The following EMILIN1 variants were observed in gnomAD, a reference collection of about 807,000 sequenced individuals.
EMILIN1 encodes the protein EMILIN-1.
A neutral mutation model predicts 82.4 loss-of-function variants in EMILIN1; 49 were observed. The ratio of observed to expected loss-of-function variants is 0.59; its 90% CI spans 0.47 to 0.75. The LOEUF is 0.75. Among genes scored for constraint, EMILIN1 ranks in the 30% least tolerant of loss-of-function variants. The pLI is 0.00. For missense variants in EMILIN1, 1,313 were observed against 1,366.4 expected (o/e 0.96, Z 0.62); for synonymous variants, 604 against 602.2 (o/e 1.00, Z -0.04).
intron 1 of EMILIN1, 28 bp from the exon 2 acceptor site, chr2:27,080,123 T>A (rs1179134376): frequency 1.2e-6 from 2 of 1,612,820 alleles, no homozygotes; most frequent in East Asian, 4.5e-5. Flanking sequence ...TCTTTGGTCC[T>A]TGGACCCAGA....
Position 27,083,211 on chromosome 2 carries a change from A to G in EMILIN1, c.1640A>G (p.Asp547Gly). ...EVVGRLQDRV[D>G]AQDETAAEFT... ...GTGGGCCGGCTCCAGGATCGTGTGG[A>G]TGCCCAGGATGAGACAGCTGCAGAG... Residue 547 changes from aspartate (D) to glycine (G), a missense_variant, in exon 4 of 8, where the codon GAT becomes GGT. Coordinates refer to ENST00000380320, the MANE Select transcript of EMILIN1 (RefSeq NM_007046.4). 2 of 1,611,858 alleles carry G rather than the reference A, an allele frequency of 1.2e-6. No homozygotes were observed. The highest frequency in any genetic ancestry group is 1.3e-5 in the African/African-American group (1 of 75,004).
At chr2:27,084,854 T>C (rs996566443) in intron 5 of EMILIN1, 137 bp from the exon 6 acceptor site, 2 of 823,606 alleles carry the variant, frequency 2.4e-6, no homozygotes, top group Non-Finnish European at 4.2e-6. Context: ...TACCTATTCC[T>C]GTTTTTCTTG....
Position 27,080,735 on chromosome 2 carries a change from C to A in EMILIN1, c.294C>A (p.Tyr98Ter). Reference protein sequence around the residue: ...GQPQCPQSIMYRRFLRPRYRV... With the variant: ...GQPQCPQSIM ...GGCCTCCTTCTGCCTCTGCCAGGTA[C>A]CGCCGCTTCCTCCGCCCTCGCTACC... Residue 98 changes from tyrosine (Y) to a stop codon, truncating the protein, a stop_gained, in exon 3 of 8, where the codon TAC becomes TAA. Coordinates refer to ENST00000380320, the MANE Select transcript of EMILIN1 (RefSeq NM_007046.4). LOFTEE classifies it high-confidence loss of function. The A allele has an allele frequency of 6.2e-7, 1 of 1,611,940 alleles. No individual in the cohort carries two copies. Among genetic ancestry groups the A allele is most frequent in the Non-Finnish European group, 8.5e-7 (1 of 1,179,152 alleles).
At chr2:27,084,333 G>A (rs1669550890) in intron 4 of EMILIN1, 82 bp from the exon 5 acceptor site, 1 of 837,824 alleles carries the variant, frequency 1.2e-6, no homozygotes. Flanking sequence ...TCTTCTCCCT[G>A]TTCATGAAGC....
Position 27,082,531 on chromosome 2 carries a change from G to C in EMILIN1, c.960G>C (p.Arg320Ser). ...TCCGCCGGCAGCAGCAGGAGGACAG[G>C]GAGCGGCTGCGAGCGATGGAGAAGC... ...DGFRRQQQED[R>S]ERLRAMEKLL... Residue 320 changes from arginine to serine, a missense_variant, in exon 4 of 8, where the codon AGG (arginine) becomes AGC (serine). Coordinates refer to ENST00000380320, the MANE Select transcript of EMILIN1 (RefSeq NM_007046.4). 6.5e-7 allele frequency: 1 copy of C among 1,543,876 alleles called. No homozygotes were observed. Among genetic ancestry groups the C allele is most frequent in the Non-Finnish European group, 8.7e-7 (1 of 1,144,546 alleles).
Position 27,082,172 on chromosome 2 carries a change from G to A in EMILIN1, c.601G>A (p.Gly201Arg). 1 of 1,613,782 alleles carries A rather than the reference G, an allele frequency of 6.2e-7. No homozygotes were observed. The change falls in exon 4 of 8, where the codon GGA becomes AGA. Residue 201 changes from glycine (G) to arginine (R), a missense_variant. Transcript: ENST00000380320. Reference protein sequence around the residue: ...ELQGLRGVLQGLSGRLAEDVQ... With the variant: ...ELQGLRGVLQRLSGRLAEDVQ... ...GCAAGGCCTGCGGGGCGTCCTGCAA[G>A]GACTGAGCGGGCGCCTGGCAGAGGA...
At chr2:27,084,106 T>C in intron 4 of EMILIN1, 95 bp downstream of exon 4, 1 of 1,319,998 alleles carries the variant, frequency 7.6e-7, no homozygotes, top group Non-Finnish European at 1.0e-6. Flanking sequence ...GCTTTCTCCT[T>C]GCTTTTCCCA....
intron 6 of EMILIN1, 71 bp from the exon 7 acceptor site, chr2:27,085,089 G>T (rs1461380184): frequency 1.6e-5 from 26 of 1,612,630 alleles, no homozygotes; most frequent in Admixed American, 6.7e-5. Flanking sequence ...CCTGGGCTGG[G>T]GATCCAGCAG....
rs202019073 is a variant in EMILIN1 at position 27,085,859 on chromosome 2, G to A, written c.2895G>A (p.Pro965=). Reference sequence around the variant, plus strand: ...CGGTGGCCGAGAGCCAGCCCAGCCCGGGCACCCTGGGCGTCTTCAGCCTCA... The same window carrying A: ...CGGTGGCCGAGAGCCAGCCCAGCCCAGGCACCCTGGGCGTCTTCAGCCTCA... The part of the protein sequence containing the change: ...NKPVAESQPS[P]GTLGVFSLIL... The change falls in exon 8 of 8, where the codon CCG becomes CCA. Residue 965 remains proline (P), a synonymous_variant. Coordinates refer to ENST00000380320, the MANE Select transcript of EMILIN1 (RefSeq NM_007046.4). 12 of 1,601,864 alleles carry A rather than the reference G, an allele frequency of 7.5e-6. No individual in the cohort carries two copies. Among genetic ancestry groups the A allele is most frequent in the Admixed American group, 1.7e-5 (1 of 58,538 alleles).
intron 5 of EMILIN1, 100 bp from the exon 6 acceptor site, chr2:27,084,891 A>G (rs1669567564): frequency 8.7e-7 from 1 of 1,145,880 alleles, no homozygotes; most frequent in African/African-American, 1.5e-5. Context: ...TTTGAAGTCC[A>G]CGTAGCACCG....
chr2:27,079,382 T>G, intron 1 of EMILIN1, 147 bp downstream of exon 1: 1 of 677,372 alleles, frequency 1.5e-6, no homozygotes, highest in Non-Finnish European at 2.3e-6. Flanking sequence ...CATGCCCACC[T>G]TCCCACGGGG....
Position 27,084,530 on chromosome 2 carries a change from A to C in EMILIN1, c.2556A>C (p.Pro852=), listed in dbSNP as rs369856752. ...KDGQEGPIGP[P]GPQGEQGVEG... is the part of the protein sequence containing the mutation. ...GGCAAGAGGGCCCCATCGGGCCACC[A>C]GGTATGTGCACTGAGACCCTTGCTG... is the stretch of plus-strand genomic sequence containing the variant. The change falls in exon 5 of 8, where the codon CCA becomes CCC. Residue 852 remains proline, a splice_region_variant and synonymous_variant. Transcript: ENST00000380320. The C allele has an allele frequency of 1.1e-5, 18 of 1,596,642 alleles. No homozygotes were observed. The highest frequency in any genetic ancestry group is 1.5e-5 in the Non-Finnish European group (18 of 1,164,762).
chr2:27,082,730 C>T lies in EMILIN1; in HGVS notation c.1159C>T (p.Leu387=). 1.9e-6 allele frequency: 3 copies of T among 1,546,940 alleles called. No individual in the cohort carries two copies. The highest frequency in any genetic ancestry group is 1.7e-6 in the Non-Finnish European group (2 of 1,151,430). ...GCTGAGTGGGCGGCGAGGCACAGAGCTGGGAGGAGCCGCGGGGCAGGGAGG... is the reference window on the plus strand; with the variant it reads ...GCTGAGTGGGCGGCGAGGCACAGAGTTGGGAGGAGCCGCGGGGCAGGGAGG... ...TVLSGRRGTE[L]GGAAGQGGHP... Residue 387 remains leucine (L), a synonymous_variant, in exon 4 of 8, where the codon CTG becomes TTG. Coordinates refer to ENST00000380320, the MANE Select transcript of EMILIN1 (RefSeq NM_007046.4).
Position 27,086,009 on chromosome 2 carries a change from C to T in EMILIN1, c.3045C>T (p.His1015=), listed in dbSNP as rs1669623351. The T allele has an allele frequency of 9.0e-6, 13 of 1,444,238 alleles. No individual in the cohort carries two copies. The highest frequency in any genetic ancestry group is 1.4e-5 in the African/African-American group (1 of 69,942). The allele number at this position is 1,444,238 out of a possible 1,614,324, so 89.5% of individuals were successfully genotyped here. ...TCTATGGGGACCCAGAGCTTGAACA[C>T]GCGTAGACTGGGGTCCCGCCCGACG... ...ALLYGDPELE[H]A The change falls in exon 8 of 8, where the codon CAC becomes CAT. Residue 1015 remains histidine (H), a synonymous_variant. Transcript: ENST00000380320.
At chr2:27,084,322 A>G (rs1669550755) in intron 4 of EMILIN1, 93 bp from the exon 5 acceptor site, 1 of 785,792 alleles carries the variant, frequency 1.3e-6, no homozygotes, top group Non-Finnish European at 2.2e-6. Flanking sequence ...TGTTCCATCC[A>G]TCTTCTCCCT....
At chr2:27,081,060 G>C in intron 3 of EMILIN1, 108 bp downstream of exon 3, 1 of 795,258 alleles carries the variant, frequency 1.3e-6, no homozygotes, top group Non-Finnish European at 2.0e-6. Flanking sequence ...CTATGCCAGA[G>C]AGAAGAGAGG....
Position 27,086,093 on chromosome 2 carries a change from C to A in EMILIN1, c.*78C>A. On this transcript the variant is annotated 3_prime_UTR_variant, in exon 8 of 8. Coordinates refer to ENST00000380320, the MANE Select transcript of EMILIN1 (RefSeq NM_007046.4). The stretch of plus-strand genomic sequence containing the variant: ...CGGGCTCCTGGGGTCTCGCCTGAGA[C>A]GGGGCACCTAGCCCTGGGCGAGCGC... The A allele has an allele frequency of 2.6e-6, 3 of 1,135,692 alleles. No homozygotes were observed. Among genetic ancestry groups the A allele is most frequent in the Non-Finnish European group, 1.2e-6 (1 of 853,962 alleles). 70.4% of individuals were successfully genotyped at this position (1,135,692 alleles called of 1,614,324 possible). A position where few individuals can be genotyped will look rare whatever the true frequency, so the allele number is the denominator to read the frequency against.
At position 27,079,129 on chromosome 2, in the gene EMILIN1, G is replaced by T; in HGVS notation, c.64G>T (p.Ala22Ser). 6.2e-7 allele frequency: 1 copy of T among 1,603,664 alleles called. No individual in the cohort carries two copies. The highest frequency in any genetic ancestry group is 8.5e-7 in the Non-Finnish European group (1 of 1,175,472). Residue 22 changes from alanine (A) to serine (S), a missense_variant, in exon 1 of 8, where the codon GCC becomes TCC. Ala to Ser is a moderately conservative substitution (Grantham distance 99). Coordinates refer to ENST00000380320, the MANE Select transcript of EMILIN1 (RefSeq NM_007046.4). Reference protein sequence around the residue: ...CCLLTAAAGAASYPPRGFSLY... With the variant: ...CCLLTAAAGASSYPPRGFSLY... ...CCTGCTGACGGCAGCTGCAGGGGCCGCCAGCTACCCTCCTCGAGGTTTCAG... is the reference window on the plus strand; with the variant it reads ...CCTGCTGACGGCAGCTGCAGGGGCCTCCAGCTACCCTCCTCGAGGTTTCAG...
In EMILIN1 at chr2:27,083,737, C is replaced by T. The variant is rs1369697763; in HGVS notation, c.2166C>T (p.Ser722=). 1 of 1,613,452 alleles carries T rather than the reference C, an allele frequency of 6.2e-7. No individual in the cohort carries two copies. Among genetic ancestry groups the T allele is most frequent in the African/African-American group, 1.3e-5 (1 of 74,930 alleles). ...AAGCACAGGCCGGCCAGTGCCCCAG[C>T]TTAGAGGGGCGATTGGGCCGTCTTG... ...EGQAQAGQCP[S]LEGRLGRLEG... Residue 722 remains serine, a synonymous_variant, in exon 4 of 8, where the codon AGC becomes AGT. Transcript: ENST00000380320.
Sources: gnomAD v4.1 joint callset for allele counts on GRCh38, gnomAD v4.1.1 for gene constraint, MANE v1.5 for transcripts, NCBI Gene and HGNC (gene_info 2026-07-23, HGNC 2026-07-21) for gene names.